SIRPG: variants seen among roughly 807,000 people sequenced by gnomAD.
SIRPG encodes the protein signal-regulatory protein gamma.
SIRPG carries 38 observed loss-of-function variants against 35.7 expected under a neutral mutation model. The observed-to-expected ratio is 1.06, with a 90% confidence interval of 0.82 to 1.40. The LOEUF (loss-of-function observed/expected upper bound fraction) is 1.40. Among genes scored for constraint, SIRPG ranks in the 40% most tolerant of loss-of-function variants. The pLI is 0.00. For missense variants in SIRPG, 519 were observed against 483.0 expected, an observed-to-expected ratio of 1.07 and a Z score of -0.70; for synonymous variants, 215 against 190.4, an observed-to-expected ratio of 1.13 and a Z score of -1.06.
chr20:1,684,315 C>A, the SIRPG span, among the ~76,000 whole-genome samples: 2 of 151,934 alleles, frequency 1.3e-5, no homozygotes, highest in Admixed American at 6.6e-5. Context: ...CATTTCTTTT[C>A]TGAGACATTT....
At chr20:1,682,022 C>T in the SIRPG span, among the ~76,000 whole-genome samples, 1 of 152,042 alleles carries the variant, frequency 6.6e-6, no homozygotes, top group African/African-American at 2.4e-5. Context: ...GCAACTTTAT[C>T]CACTTCTTTC....
the SIRPG span, among the ~76,000 whole-genome samples, chr20:1,673,743 T>G: frequency 6.6e-6 from 1 of 152,154 alleles, no homozygotes; most frequent in African/African-American, 2.4e-5. Flanking sequence ...GATGCTTCCC[T>G]CCAGAGGAGC....
intron 5 of SIRPG, among the ~76,000 whole-genome samples, 200 bp downstream of exon 5, chr20:1,630,020 ATT>A (rs2091735962): frequency 6.6e-6 from 1 of 152,168 alleles, no homozygotes; most frequent in South Asian, 2.1e-4. Context: ...CTTTGAACAC[ATT>A]TCAAGCATCC....
chr20:1,634,182 T>C (rs1012835099), intron 4 of SIRPG, among the ~76,000 whole-genome samples: 2 of 151,008 alleles, frequency 1.3e-5, no homozygotes, highest in African/African-American at 2.4e-5. Context: ...TCTGTGACCA[T>C]TCATGGTCAC....
chr20:1,630,388 G>T (rs2091740721), intron 4 of SIRPG, 82 bp from the exon 5 acceptor site: 2 of 1,085,658 alleles, frequency 1.8e-6, no homozygotes, highest in South Asian at 1.4e-5. Flanking sequence ...CCCATCTGAG[G>T]CTGCCTGGGC....
At chr20:1,657,833 G>T, upstream of SIRPG, 1 of 891,924 alleles carries the variant, frequency 1.1e-6, no homozygotes, top group Non-Finnish European at 1.7e-6. Flanking sequence ...TGGCTATGAT[G>T]GAATGCAACA....
At chr20:1,642,566 A>G (rs912551975) in intron 2 of SIRPG, among the ~76,000 whole-genome samples, 6 of 152,184 alleles carry the variant, frequency 3.9e-5, no homozygotes, top group Admixed American at 3.9e-4. Context: ...TAACCTAATT[A>G]CATTTAAGCT....
At chr20:1,659,554 T>C (rs1487309513), upstream of SIRPG, among the ~76,000 whole-genome samples, 1 of 152,244 alleles carries the variant, frequency 6.6e-6, no homozygotes, top group East Asian at 1.9e-4. Context: ...CAAGCATTTT[T>C]CTATTGGTAA....
chr20:1,656,847 G>T (rs73082608), intron 1 of SIRPG, among the ~76,000 whole-genome samples: 1 of 152,092 alleles, frequency 6.6e-6, no homozygotes, highest in African/African-American at 2.4e-5. Flanking sequence ...TGGAGACAAG[G>T]TCTTTAACCC....
the SIRPG span, among the ~76,000 whole-genome samples, chr20:1,669,545 A>G: frequency 1.3e-5 from 2 of 152,212 alleles, no homozygotes; most frequent in East Asian, 3.8e-4. Flanking sequence ...ATGAGGTCGC[A>G]GATGGGATGG....
At chr20:1,663,418 C>T in the SIRPG span, among the ~76,000 whole-genome samples, 2 of 152,158 alleles carry the variant, frequency 1.3e-5, no homozygotes, top group Admixed American at 1.3e-4. Context: ...CAGGAAGGAG[C>T]GATGGAGGTG....
At chr20:1,638,778 A>ACC (rs2091825603) in intron 2 of SIRPG, among the ~76,000 whole-genome samples, 1 of 44,328 alleles carries the variant, frequency 2.3e-5, no homozygotes, top group Non-Finnish European at 4.5e-5. Context: ...TCACCCCCCC[A>ACC]CCCCTTGACT....
At chr20:1,683,533 A>G in the SIRPG span, among the ~76,000 whole-genome samples, 2 of 152,210 alleles carry the variant, frequency 1.3e-5, no homozygotes, top group Non-Finnish European at 2.9e-5. Flanking sequence ...AAAATGTGGT[A>G]TATATACACA....
At chr20:1,678,462 T>G in the SIRPG span, among the ~76,000 whole-genome samples, 1 of 151,216 alleles carries the variant, frequency 6.6e-6, no homozygotes, top group African/African-American at 2.4e-5. Flanking sequence ...AGAGGTTCTC[T>G]AACAAGTGAG....
chr20:1,668,662 A>G, the SIRPG span, among the ~76,000 whole-genome samples: 1 of 152,238 alleles, frequency 6.6e-6, no homozygotes, highest in African/African-American at 2.4e-5. Flanking sequence ...AAAAACAGCC[A>G]TGAAAGAGAT....
chr20:1,682,075 G>T, the SIRPG span, among the ~76,000 whole-genome samples: 1 of 152,122 alleles, frequency 6.6e-6, no homozygotes, highest in East Asian at 1.9e-4. Flanking sequence ...CACTAATAGA[G>T]TAATGCATGG....
intron 2 of SIRPG, 76 bp downstream of exon 2, chr20:1,648,976 G>T (rs2122541773): frequency 7.6e-7 from 1 of 1,307,378 alleles, no homozygotes; most frequent in Non-Finnish European, 1.1e-6. Context: ...CCTGATTGTT[G>T]CTCAAAGAAT....
intron 2 of SIRPG, among the ~76,000 whole-genome samples, chr20:1,639,589 A>G (rs1220205025): frequency 6.6e-6 from 1 of 152,086 alleles, no homozygotes; most frequent in Non-Finnish European, 1.5e-5. Context: ...CACTCTCATG[A>G]TAGTTTCTAT....
chr20:1,662,787 A>G, the SIRPG span, among the ~76,000 whole-genome samples: 1 of 152,204 alleles, frequency 6.6e-6, no homozygotes, highest in African/African-American at 2.4e-5. Context: ...ATGCAAAATA[A>G]GTACACGTGG....
Sources: gnomAD v4.1 joint callset for allele counts (sites outside exome capture counted in the v4.1 genomes callset) on GRCh38, gnomAD v4.1.1 for gene constraint, MANE v1.5 for transcripts, NCBI Gene and HGNC (gene_info 2026-07-23, HGNC 2026-07-21) for gene names.